Variants in SCP2 observed in about 807,000 individuals in gnomAD.
SCP2 encodes the protein SCP-2/3-oxoacyl-CoA thiolase.
Under a neutral mutation model 71.4 loss-of-function variants are expected in SCP2, and 48 were observed. The observed-to-expected ratio is 0.67, with a 90% CI of 0.53 to 0.86. The LOEUF (loss-of-function observed/expected upper bound fraction) is 0.86, where lower values mean the gene tolerates loss of function less well. SCP2 is among the 40% of genes least tolerant of loss of function. The pLI is 0.00. For missense variants in SCP2, 560 were observed against 655.6 expected, an observed-to-expected ratio of 0.85 and a Z score of 1.59; for synonymous variants, 220 against 218.1, an observed-to-expected ratio of 1.01 and a Z score of -0.08.
chr1:52,943,609 G>T (rs532227287), intron 2 of SCP2: 2 of 424,056 alleles, frequency 4.7e-6, no homozygotes, highest in Non-Finnish European at 9.3e-6. Flanking sequence ...TAGTGCACAG[G>T]TTGGTGTCTT....
chr1:52,927,381 C>T lies in SCP2; in HGVS notation c.-16C>T. The T allele has an allele frequency of 1.3e-6, 2 of 1,576,450 alleles. No individual in the cohort carries two copies. Among genetic ancestry groups the T allele is most frequent in the East Asian group, 2.3e-5 (1 of 43,354 alleles). ...GTCGTCCGCGGCGCCCGCCCCGGTCCCGCACTGGTGCAGCCATGTCCTCTT... is the reference window on the plus strand; with the variant it reads ...GTCGTCCGCGGCGCCCGCCCCGGTCTCGCACTGGTGCAGCCATGTCCTCTT... On this transcript the variant is annotated 5_prime_UTR_variant, in exon 1 of 16. Coordinates refer to ENST00000371514, the MANE Select transcript of SCP2 (RefSeq NM_002979.5).
At chr1:53,025,602 G>C (rs115056897) in intron 12 of SCP2, among the ~76,000 whole-genome samples, 2,363 of 151,914 alleles carry the variant, frequency 0.016, 70 homozygotes, top group African/African-American at 0.054. Context: ...TTTCCTCTTT[G>C]TATCTCCCTC....
At chr1:53,030,804 G>A (rs984357482) in intron 13 of SCP2, among the ~76,000 whole-genome samples, 1 of 151,784 alleles carries the variant, frequency 6.6e-6, no homozygotes, top group Admixed American at 6.6e-5. Context: ...AGAGGCTGAG[G>A]CAGGAGAATC....
At chr1:52,953,791 C>A (rs1261031812) in intron 4 of SCP2, among the ~76,000 whole-genome samples, 3 of 150,656 alleles carry the variant, frequency 2.0e-5, no homozygotes, top group South Asian at 2.1e-4. Context: ...GAATTTGAGA[C>A]CAGCCTGGGC....
chr1:52,975,366 A>G (rs573424904), intron 7 of SCP2, among the ~76,000 whole-genome samples: 2 of 152,218 alleles, frequency 1.3e-5, no homozygotes, highest in South Asian at 4.1e-4. Flanking sequence ...TTTTTAGTAG[A>G]GACAGGGTTT....
At chr1:53,022,482 A>G (rs1439550912) in intron 12 of SCP2, among the ~76,000 whole-genome samples, 1 of 152,160 alleles carries the variant, frequency 6.6e-6, no homozygotes, top group Admixed American at 6.5e-5. Context: ...GGCTATATGC[A>G]TATCTTCTTT....
intron 13 of SCP2, among the ~76,000 whole-genome samples, chr1:53,036,851 G>T (rs1222648029): frequency 6.6e-6 from 1 of 151,890 alleles, no homozygotes; most frequent in Non-Finnish European, 1.5e-5. Flanking sequence ...ATAAAGTTAT[G>T]AATGATTTTG....
intron 6 of SCP2, among the ~76,000 whole-genome samples, chr1:52,973,207 GA>G (rs1418938497): frequency 7.9e-5 from 12 of 152,182 alleles, no homozygotes; most frequent in Non-Finnish European, 1.8e-4. Context: ...GTAATATTGG[GA>G]AATGCTTCAT....
intron 11 of SCP2, among the ~76,000 whole-genome samples, chr1:52,992,238 C>T (rs1659565256): frequency 6.6e-6 from 1 of 151,852 alleles, no homozygotes; most frequent in Admixed American, 6.6e-5. Context: ...AAATACTTAT[C>T]TTTACATATA....
chr1:52,944,386 A>G (rs1654576767), intron 2 of SCP2, among the ~76,000 whole-genome samples: 1 of 152,116 alleles, frequency 6.6e-6, no homozygotes, highest in African/African-American at 2.4e-5. Context: ...TCAACTCAAT[A>G]CTTAAATGTT....
At chr1:52,994,279 A>G in intron 11 of SCP2, 1 of 998,746 alleles carries the variant, frequency 1.0e-6, no homozygotes, top group Non-Finnish European at 1.2e-6. Flanking sequence ...AGTGACTTAA[A>G]TCCTCCTTTC....
intron 14 of SCP2, among the ~76,000 whole-genome samples, chr1:53,044,971 G>T (rs1663693816): frequency 6.6e-6 from 1 of 152,170 alleles, no homozygotes; most frequent in South Asian, 2.1e-4. Flanking sequence ...ACGAAACGAA[G>T]AACTACCCTA....
At chr1:52,930,184 A>G (rs1323665673) in intron 1 of SCP2, among the ~76,000 whole-genome samples, 2 of 152,210 alleles carry the variant, frequency 1.3e-5, no homozygotes, top group African/African-American at 4.8e-5. Flanking sequence ...ACTTTTATGT[A>G]TGGTAATTTC....
intron 2 of SCP2, among the ~76,000 whole-genome samples, chr1:52,944,983 T>C (rs929206854): frequency 6.6e-6 from 1 of 151,980 alleles, no homozygotes; most frequent in African/African-American, 2.4e-5. Context: ...GAGTACCAGC[T>C]AAACATACCT....
intron 6 of SCP2, among the ~76,000 whole-genome samples, chr1:52,968,757 G>T (rs1226440879): frequency 6.6e-6 from 1 of 152,060 alleles, no homozygotes; most frequent in South Asian, 2.1e-4. Flanking sequence ...GAACAACAGG[G>T]GGTTTAGTGG....
chr1:52,980,631 A>C, intron 10 of SCP2, 88 bp downstream of exon 10: 1 of 1,318,592 alleles, frequency 7.6e-7, no homozygotes, highest in South Asian at 1.2e-5. Context: ...TTCACTATTC[A>C]CTTTTCCCTT....
intron 14 of SCP2, among the ~76,000 whole-genome samples, chr1:53,046,241 T>G (rs1663806324): frequency 6.6e-6 from 1 of 152,234 alleles, no homozygotes; most frequent in Non-Finnish European, 1.5e-5. Flanking sequence ...CCAGACTGTT[T>G]TCTGAAAGTG....
rs186604579 is a variant in SCP2 at position 53,010,456 on chromosome 1, G to T, written c.1082-4434G>T. On this transcript the variant is annotated intron_variant, in intron 11 of 15. Coordinates refer to ENST00000371514, the MANE Select transcript of SCP2 (RefSeq NM_002979.5). ...CGGAATACTATGCAGCCATAAAAAAGGATGAGTTCATGTCCTTTGTAGGGA... is the reference window on the plus strand; with the variant it reads ...CGGAATACTATGCAGCCATAAAAAATGATGAGTTCATGTCCTTTGTAGGGA... Among the ~76,000 whole-genome samples the T allele has an allele frequency of 6.3e-3, 950 of 151,478 alleles. 16 individuals are homozygous for T. The highest frequency in any genetic ancestry group is 0.022 in the African/African-American group (912 of 40,798).
At chr1:53,032,748 G>C (rs1259591651) in intron 13 of SCP2, among the ~76,000 whole-genome samples, 1 of 152,252 alleles carries the variant, frequency 6.6e-6, no homozygotes, top group Non-Finnish European at 1.5e-5. Context: ...GGATATGTTA[G>C]TGTTAGATGG....
Sources: gnomAD v4.1 joint callset for allele counts (sites outside exome capture counted in the v4.1 genomes callset) on GRCh38, gnomAD v4.1.1 for gene constraint, MANE v1.5 for transcripts, NCBI Gene and HGNC (gene_info 2026-07-23, HGNC 2026-07-21) for gene names.